C3orf52: variants seen among roughly 807,000 people sequenced by gnomAD.
C3orf52 encodes TPA-induced transmembrane protein.
A neutral mutation model predicts 24.8 loss-of-function variants in C3orf52; 22 were observed. The observed-to-expected ratio is 0.89, with a 90% CI of 0.63 to 1.27. The LOEUF is 1.27. Ranked by LOEUF, C3orf52 falls within the 50% of genes most tolerant of loss-of-function variation. The pLI is 0.00. For missense variants in C3orf52, 265 were observed against 260.7 expected, an observed-to-expected ratio of 1.02 and a Z score of -0.11; for synonymous variants, 93 against 100.2, an observed-to-expected ratio of 0.93 and a Z score of 0.43.
At chr3:112,105,842 A>AT (rs2074018882) in intron 3 of C3orf52, among the ~76,000 whole-genome samples, 2 of 151,230 alleles carry the variant, frequency 1.3e-5, no homozygotes, top group Non-Finnish European at 3.0e-5. Flanking sequence ...AAAAAAAAAA[A>AT]GATGCCAGTT....
At position 112,086,404 on chromosome 3, in the gene C3orf52, G is replaced by A. The variant is rs1355172364; in HGVS notation, c.-4G>A. The A allele has an allele frequency of 6.5e-7, 1 of 1,538,846 alleles. No individual in the cohort carries two copies. Among genetic ancestry groups the A allele is most frequent in the African/African-American group, 1.4e-5 (1 of 72,510 alleles). On this transcript the variant is annotated 5_prime_UTR_variant, in exon 1 of 6. Coordinates refer to ENST00000264848, the MANE Select transcript of C3orf52 (RefSeq NM_024616.3). ...GGAGCCGCTCAGACTTTCCCTGCCG[G>A]CACATGGACCTGGCCCAACCCTCAC...
intron 4 of C3orf52, chr3:112,126,924 A>G (rs2074333857): frequency 1.8e-6 from 2 of 1,104,066 alleles, no homozygotes; most frequent in Non-Finnish European, 2.8e-6. Flanking sequence ...GAACATAGAG[A>G]AGAAGTAGTT....
intron 4 of C3orf52, chr3:112,123,547 C>T (rs2074240839): frequency 6.2e-7 from 1 of 1,614,168 alleles, no homozygotes. Context: ...ATGAGAAGTT[C>T]ATATTCATCT....
intron 1 of C3orf52, among the ~76,000 whole-genome samples, chr3:112,091,490 G>A (rs1370108328): frequency 1.3e-5 from 2 of 152,120 alleles, no homozygotes; most frequent in East Asian, 3.9e-4. Context: ...ACTCCCGAAA[G>A]GTGGGAGGCC....
chr3:112,130,265 T>A, downstream of C3orf52: 1 of 617,436 alleles, frequency 1.6e-6, no homozygotes, highest in Middle Eastern at 4.5e-4. Context: ...CAAAGTAGCA[T>A]ATCTCCTGTC....
At chr3:112,102,765 G>A in intron 2 of C3orf52, 73 bp from the exon 3 acceptor site, 1 of 1,334,248 alleles carries the variant, frequency 7.5e-7, no homozygotes, top group Non-Finnish European at 1.0e-6. Flanking sequence ...GCAGTCAATG[G>A]AATAAATAAG....
In C3orf52 at chr3:112,116,747, C is replaced by T. The variant is rs199757327; in HGVS notation, c.*101C>T. The stretch of plus-strand genomic sequence containing the variant: ...GCAGAAAAGATTCTGTGGATTAATA[C>T]AGAAGCACCAGCAACACCAGAGGGG... On this transcript the variant is annotated 3_prime_UTR_variant, in exon 6 of 6. Transcript: ENST00000264848. The T allele has an allele frequency of 1.4e-3, 2,212 of 1,551,760 alleles. 7 individuals carry two copies. Among genetic ancestry groups the T allele is most frequent in the South Asian group, 2.1e-3 (178 of 84,156 alleles).
Position 112,086,525 on chromosome 3 carries a change from G to A in C3orf52, c.118G>A (p.Glu40Lys), listed in dbSNP as rs563113090. The stretch of plus-strand genomic sequence containing the variant: ...CGACAAGGTCTTCCCTTCTTTGGAC[G>A]AGGAGGTCCCCCCGGCCGAGGTAAG... Reference protein sequence around the residue: ...GADKVFPSLDEEVPPAEANKE... With the variant: ...GADKVFPSLDKEVPPAEANKE... The change falls in exon 1 of 6, where the codon GAG becomes AAG. Residue 40 changes from glutamate (E) to lysine (K), a missense_variant. Glu to Lys is a moderately conservative substitution (Grantham distance 56, BLOSUM62 1). Coordinates refer to ENST00000264848, the MANE Select transcript of C3orf52 (RefSeq NM_024616.3). The A allele has an allele frequency of 3.9e-6, 6 of 1,551,168 alleles. No homozygotes were observed. Among genetic ancestry groups the A allele is most frequent in the South Asian group, 1.2e-5 (1 of 83,988 alleles).
chr3:112,109,670 C>G (rs1195462053), intron 4 of C3orf52, 57 bp downstream of exon 4: 1 of 1,074,208 alleles, frequency 9.3e-7, no homozygotes, highest in Non-Finnish European at 1.4e-6. Flanking sequence ...ATCCCCCCAC[C>G]CCACCCTTCG....
chr3:112,090,148 C>T (rs2073864162), intron 1 of C3orf52, among the ~76,000 whole-genome samples: 1 of 152,236 alleles, frequency 6.6e-6, no homozygotes, highest in African/African-American at 2.4e-5. Flanking sequence ...GTCACAGGCT[C>T]TTCACCCTCA....
At chr3:112,126,701 G>GT (rs2074327945) in intron 4 of C3orf52, among the ~76,000 whole-genome samples, 1 of 152,080 alleles carries the variant, frequency 6.6e-6, no homozygotes, top group South Asian at 2.1e-4. Context: ...GCAGTTTCTT[G>GT]TAAGTGCCTT....
downstream of C3orf52, chr3:112,133,189 G>C (rs2074500551): frequency 6.5e-7 from 1 of 1,550,066 alleles, no homozygotes; most frequent in African/African-American, 1.4e-5. Flanking sequence ...GCTCTGACAG[G>C]GCAACTCCTG....
rs1256199637 is a variant in C3orf52 at position 112,117,198 on chromosome 3, C to A, written c.*552C>A. The A allele has an allele frequency of 3.7e-6, 2 of 537,972 alleles. No individual in the cohort carries two copies. Among genetic ancestry groups the A allele is most frequent in the South Asian group, 6.0e-5 (2 of 33,474 alleles). The allele number at this position is 537,972 out of a possible 1,614,324, so 33.3% of individuals were successfully genotyped here. ...TCACTGAAGTCATCCTCCTCCCCCC[C>A]ACCATTCGATTTGATCTACCTCTAA... On this transcript the variant is annotated 3_prime_UTR_variant, in exon 6 of 6. Coordinates refer to ENST00000264848, the MANE Select transcript of C3orf52 (RefSeq NM_024616.3).
In C3orf52 at chr3:112,104,211, G is replaced by T. The variant is rs1576142679; in HGVS notation, c.396+1246G>T. Among the ~76,000 whole-genome samples, 5 of 152,284 alleles carry T rather than the reference G, an allele frequency of 3.3e-5. No homozygotes were observed. The South Asian group carries it at 8.3e-4, about 25-fold the overall frequency. ...GATGGCGGTGTCAGTCATGGGATGA[G>T]AAACCCAGGAGAATGAACCCTCTGT... is the stretch of plus-strand genomic sequence containing the variant. On this transcript the variant is annotated intron_variant, in intron 3 of 5. Transcript: ENST00000264848.
intron 3 of C3orf52, among the ~76,000 whole-genome samples, chr3:112,103,563 TTGTC>T (rs2073997137): frequency 6.6e-6 from 1 of 152,148 alleles, no homozygotes; most frequent in Non-Finnish European, 1.5e-5. Flanking sequence ...CAGGGCCACA[TTGTC>T]TGTGCCTTCA....
At chr3:112,119,450 A>G (rs752843662), downstream of C3orf52, 4 of 702,968 alleles carry the variant, frequency 5.7e-6, no homozygotes, top group South Asian at 3.0e-5. Context: ...CAGTATAATC[A>G]GAGGACGTTT....
downstream of C3orf52, chr3:112,119,519 A>T (rs1316698172): frequency 1.4e-6 from 1 of 702,870 alleles, no homozygotes; most frequent in Non-Finnish European, 2.6e-6. Flanking sequence ...TTGAATAAGA[A>T]GATTTGCCTT....
Position 112,117,184 on chromosome 3 carries a change from A to C in C3orf52, c.*538A>C, listed in dbSNP as rs887837458. The C allele has an allele frequency of 1.8e-6, 1 of 551,008 alleles. No homozygotes were observed. Among genetic ancestry groups the C allele is most frequent in the Non-Finnish European group, 3.2e-6 (1 of 311,478 alleles). The allele number at this position is 551,008 out of a possible 1,614,324, so 34.1% of individuals were successfully genotyped here. On this transcript the variant is annotated 3_prime_UTR_variant, in exon 6 of 6. Coordinates refer to ENST00000264848, the MANE Select transcript of C3orf52 (RefSeq NM_024616.3). ...ACTAAGCCAATTATTCACTGAAGTCATCCTCCTCCCCCCCACCATTCGATT... is the reference window on the plus strand; with the variant it reads ...ACTAAGCCAATTATTCACTGAAGTCCTCCTCCTCCCCCCCACCATTCGATT...
At chr3:112,102,183 A>G (rs1018618535) in intron 2 of C3orf52, among the ~76,000 whole-genome samples, 14 of 151,840 alleles carry the variant, frequency 9.2e-5, no homozygotes, top group African/African-American at 3.4e-4. Flanking sequence ...TCGCATGCTC[A>G]TTTTCTAGTC....
Sources: allele counts gnomAD v4.1 joint callset (sites outside exome capture counted in the v4.1 genomes callset), GRCh38; gene constraint gnomAD v4.1.1; transcripts MANE v1.5; gene names NCBI Gene and HGNC (gene_info 2026-07-23, HGNC 2026-07-21).